Variants in KIF18A observed in about 807,000 individuals in gnomAD.
The protein encoded by KIF18A is kinesin-like protein KIF18A.
KIF18A carries 67 observed loss-of-function variants against 103.3 expected under a neutral mutation model. The observed-to-expected ratio is 0.65, with a 90% CI of 0.53 to 0.79. The LOEUF is 0.79. KIF18A is among the 30% of genes least tolerant of loss of function. The pLI, the probability that KIF18A is intolerant of heterozygous loss-of-function variation, is 0.00. For missense variants in KIF18A, 1,032 were observed against 1,062.5 expected (o/e 0.97, Z 0.40); for synonymous variants, 367 against 355.5 (o/e 1.03, Z -0.36).
Position 28,077,014 on chromosome 11 carries a change from A to C in KIF18A, c.1418T>G (p.Val473Gly). Residue 473 changes from valine to glycine, a missense_variant, in exon 10 of 17, where the codon GTA becomes GGA. Transcript: ENST00000263181. ...QIEMMCSEDK[V>G]EKATGKRDHR... ...TATAAAATTGTTAATTACCTTTTCT[A>C]CTTTGTCTTCAGAACACATCATTTC... 1 of 1,482,194 alleles carries C rather than the reference A, an allele frequency of 6.7e-7. No individual in the cohort carries two copies. The highest frequency in any genetic ancestry group is 1.5e-5 in the African/African-American group (1 of 67,666). 91.8% of individuals were successfully genotyped at this position (1,482,194 alleles called of 1,614,324 possible).
At chr11:28,048,093 A>G (rs1441805652) in intron 13 of KIF18A, among the ~76,000 whole-genome samples, 1 of 152,144 alleles carries the variant, frequency 6.6e-6, no homozygotes, top group East Asian at 1.9e-4. Context: ...GTTAATTCAG[A>G]ACAAACTATA....
chr11:28,078,541 C>T (rs1554973524), intron 9 of KIF18A, among the ~76,000 whole-genome samples: 1 of 151,848 alleles, frequency 6.6e-6, no homozygotes, highest in Non-Finnish European at 1.5e-5. Context: ...CTTAACAACA[C>T]CAAAAAAAGC....
chr11:28,083,405 C>T (rs1379700593), intron 7 of KIF18A, among the ~76,000 whole-genome samples, 162 bp from the exon 8 acceptor site: 1 of 151,972 alleles, frequency 6.6e-6, no homozygotes, highest in Non-Finnish European at 1.5e-5. Flanking sequence ...CTGCTGAGCA[C>T]ATTAATAATG....
At chr11:28,031,684 A>G (rs989727785) in intron 15 of KIF18A, among the ~76,000 whole-genome samples, 2 of 151,966 alleles carry the variant, frequency 1.3e-5, no homozygotes, top group Non-Finnish European at 2.9e-5. Flanking sequence ...GCATAAAAAA[A>G]AAAAACAACT....
intron 3 of KIF18A, 72 bp from the exon 4 acceptor site, chr11:28,091,585 CTAATT>C (rs530374364): frequency 2.1e-4 from 150 of 698,184 alleles, no homozygotes; most frequent in Admixed American, 4.8e-4. Flanking sequence ...ACATACACTG[CTAATT>C]TAAAGTTATT....
intron 11 of KIF18A, among the ~76,000 whole-genome samples, chr11:28,063,484 TG>T (rs1850880965): frequency 6.6e-6 from 1 of 151,958 alleles, no homozygotes; most frequent in South Asian, 2.1e-4. Context: ...AGTGTGAAAA[TG>T]TTTTTTTGCA....
At chr11:28,032,717 T>C (rs1259739089) in intron 15 of KIF18A, among the ~76,000 whole-genome samples, 1 of 151,668 alleles carries the variant, frequency 6.6e-6, no homozygotes, top group Non-Finnish European at 1.5e-5. Context: ...AGAAATGAAA[T>C]CAAAATGGAT....
chr11:28,079,850 G>C (rs373413724), intron 9 of KIF18A, among the ~76,000 whole-genome samples: 1 of 151,866 alleles, frequency 6.6e-6, no homozygotes, highest in East Asian at 1.9e-4. Context: ...TGTCTCAATG[G>C]GTCAATTTGG....
chr11:28,060,544 C>T (rs918558404), intron 12 of KIF18A, among the ~76,000 whole-genome samples: 43 of 152,018 alleles, frequency 2.8e-4, no homozygotes, highest in African/African-American at 9.9e-4. Flanking sequence ...TAAACAATTA[C>T]TTATTTAGCA....
rs1554974410 is a variant in KIF18A at position 28,091,141 on chromosome 11, A to ATAC, written c.588+267_588+268insGTA. On this transcript the variant is annotated intron_variant, in intron 4 of 16. Transcript: ENST00000263181. ...CGGTCACAAAATAAATAAATAAATA[A>ATAC]ATAAATAAATACATACATACATACA... Among the ~76,000 whole-genome samples the ATAC allele has an allele frequency of 1.9e-3, 245 of 128,526 alleles. 1 individual carries two copies. In the East Asian group the frequency reaches 0.019, roughly 10 times the overall value. 84.3% of individuals were successfully genotyped at this position (128,526 alleles called of 152,430 possible). A position where few individuals can be genotyped will look rare whatever the true frequency, so the allele number is the denominator to read the frequency against.
rs534101844 is a variant in KIF18A at position 28,081,149 on chromosome 11, A to G, written c.1262+1707T>C. 8.6e-4 allele frequency among the ~76,000 whole-genome samples: 131 copies of G among 152,308 alleles called. 1 individual carries two copies. The highest frequency in any genetic ancestry group is 1.4e-3 in the Non-Finnish European group (97 of 68,016). On this transcript the variant is annotated intron_variant, in intron 9 of 16. Coordinates refer to ENST00000263181, the MANE Select transcript of KIF18A (RefSeq NM_031217.4). ...TAAGAAAAAAAGCCTTCTCTAGAAC[A>G]TAAAAGTCTAGGTGAAGCAGCAAGT...
intron 1 of KIF18A, among the ~76,000 whole-genome samples, chr11:28,104,368 T>A (rs1851480723): frequency 6.6e-6 from 1 of 152,198 alleles, no homozygotes; most frequent in South Asian, 2.1e-4. Flanking sequence ...CCCCATTTCA[T>A]TATTCTGCTT....
chr11:28,074,369 T>C (rs1851062547), intron 10 of KIF18A, among the ~76,000 whole-genome samples: 2 of 152,118 alleles, frequency 1.3e-5, no homozygotes, highest in South Asian at 2.1e-4. Flanking sequence ...CAATTTGAAG[T>C]TCATGAAAGT....
intron 13 of KIF18A, among the ~76,000 whole-genome samples, chr11:28,058,680 A>C (rs1850816570): frequency 1.3e-5 from 2 of 148,694 alleles, no homozygotes; most frequent in Non-Finnish European, 3.0e-5. Flanking sequence ...AAAAAAAAAA[A>C]AAAAAAAAAA....
chr11:28,068,447 A>T (rs909920980), intron 11 of KIF18A, among the ~76,000 whole-genome samples: 1 of 149,032 alleles, frequency 6.7e-6, no homozygotes, highest in East Asian at 2.0e-4. Flanking sequence ...AAAAAAAAAA[A>T]GGGAGCTCCA....
At chr11:28,039,733 T>C (rs1299689084) in intron 13 of KIF18A, among the ~76,000 whole-genome samples, 3 of 151,798 alleles carry the variant, frequency 2.0e-5, no homozygotes, top group Non-Finnish European at 2.9e-5. Flanking sequence ...TACAGTGATA[T>C]ATCTTTAGCT....
rs1590701331 is a variant in KIF18A at position 28,080,454 on chromosome 11, T to C, written c.1262+2402A>G. 3.3e-5 allele frequency among the ~76,000 whole-genome samples: 5 copies of C among 152,176 alleles called. No individual in the cohort carries two copies. The South Asian group carries it at 1.0e-3, about 32-fold the overall frequency. ...CAGCATGAGCATTCAGTGTCACATT[T>C]TGGCAATTCTTGAAATATTGTAAAC... On this transcript the variant is annotated intron_variant, in intron 9 of 16. Coordinates refer to ENST00000263181, the MANE Select transcript of KIF18A (RefSeq NM_031217.4).
intron 13 of KIF18A, among the ~76,000 whole-genome samples, chr11:28,055,394 G>C (rs1023992395): frequency 6.6e-6 from 1 of 152,166 alleles, no homozygotes; most frequent in Non-Finnish European, 1.5e-5. Flanking sequence ...GAGGAAGCTG[G>C]AGGCTCAGGA....
At chr11:28,094,829 C>T (rs912997638) in intron 2 of KIF18A, 29 bp from the exon 3 acceptor site, 2 of 1,603,018 alleles carry the variant, frequency 1.2e-6, no homozygotes, top group Non-Finnish European at 1.7e-6. Context: ...GATCAAAACT[C>T]TTTGTTATGA....
Sources: gnomAD v4.1 joint callset for allele counts (sites outside exome capture counted in the v4.1 genomes callset) on GRCh38, gnomAD v4.1.1 for gene constraint, MANE v1.5 for transcripts, NCBI Gene and HGNC (gene_info 2026-07-23, HGNC 2026-07-21) for gene names.